The following ZSWIM7 variants were observed in gnomAD, a reference collection of about 807,000 sequenced individuals.
ZSWIM7 encodes the protein zinc finger SWIM domain-containing protein 7.
Under a neutral mutation model 21.1 loss-of-function variants are expected in ZSWIM7, and 22 were observed. The ratio of observed to expected loss-of-function variants is 1.04; its 90% CI spans 0.74 to 1.49. The LOEUF is 1.49. Among genes scored for constraint, ZSWIM7 ranks in the 40% most tolerant of loss-of-function variants. ZSWIM7 has a pLI of 0.00. For missense variants in ZSWIM7, 193 were observed against 168.0 expected (o/e 1.15, Z -0.82); for synonymous variants, 67 against 66.5 (o/e 1.01, Z -0.04).
At chr17:15,992,627 C>G (rs1434898781) in intron 2 of ZSWIM7, among the ~76,000 whole-genome samples, 1 of 151,976 alleles carries the variant, frequency 6.6e-6, no homozygotes, top group Non-Finnish European at 1.5e-5. Flanking sequence ...TTAATAGTGA[C>G]AGGGTTTCTC....
Position 15,978,982 on chromosome 17 carries a change from T to TTTTA in ZSWIM7, c.307-823_307-820dup, listed in dbSNP as rs368188250. ...TTTTTAATTTTAATTTTAATTTTTG[T>TTTTA]TTTATTTATTTATTTATTTATTTTT... On this transcript the variant is annotated intron_variant, in intron 4 of 4. Transcript: ENST00000399277. Among the ~76,000 whole-genome samples, 69 of 151,218 alleles carry TTTTA rather than the reference T, an allele frequency of 4.6e-4. No homozygotes were observed. In the East Asian group the frequency reaches 5.4e-3, roughly 12 times the overall value.
At chr17:15,981,656 C>T (rs1464302165) in intron 3 of ZSWIM7, among the ~76,000 whole-genome samples, 2 of 152,166 alleles carry the variant, frequency 1.3e-5, no homozygotes, top group African/African-American at 4.8e-5. Flanking sequence ...AGCCTGTAAT[C>T]CCAGCACTTT....
Position 15,977,991 on chromosome 17 carries a change from C to A in ZSWIM7, c.*56G>T. 7.4e-7 allele frequency: 1 copy of A among 1,357,596 alleles called. No homozygotes were observed. The highest frequency in any genetic ancestry group is 1.2e-5 in the South Asian group (1 of 85,386). 84.1% of individuals were successfully genotyped at this position (1,357,596 alleles called of 1,614,324 possible). A position where few individuals can be genotyped will look rare whatever the true frequency, so the allele number is the denominator to read the frequency against. On this transcript the variant is annotated 3_prime_UTR_variant, in exon 5 of 5. Transcript: ENST00000399277. The stretch of plus-strand genomic sequence containing the variant: ...TTTTCCATGTGAATCATGACGCTTT[C>A]AATGCATTTCTTGACAGGATTCTAT...
chr17:15,995,710 C>G (rs1970545064), intron 1 of ZSWIM7, among the ~76,000 whole-genome samples: 1 of 150,492 alleles, frequency 6.6e-6, no homozygotes, highest in South Asian at 2.1e-4. Context: ...AGAAGGACAA[C>G]AGAGGACATC....
chr17:15,987,779 T>A (rs961264717), intron 2 of ZSWIM7, among the ~76,000 whole-genome samples: 1 of 151,856 alleles, frequency 6.6e-6, no homozygotes, highest in African/African-American at 2.4e-5. Flanking sequence ...CCCGGCTAAT[T>A]TTGTATTTTT....
chr17:15,981,750 GA>G lies in ZSWIM7; in HGVS notation c.202-607del, dbSNP rs565442367. Among the ~76,000 whole-genome samples the G allele has an allele frequency of 5.8e-3, 876 of 151,700 alleles. 9 individuals carry two copies. Among genetic ancestry groups the G allele is most frequent in the African/African-American group, 0.018 (757 of 41,388 alleles). On this transcript the variant is annotated intron_variant, in intron 3 of 4. Transcript: ENST00000399277. ...AACATGGTGAGACCTCGTTTCTATAGAAAAAAAAATTTTTTTAAAGTCAGGT... is the reference window on the plus strand; with the variant it reads ...AACATGGTGAGACCTCGTTTCTATAGAAAAAAAATTTTTTTAAAGTCAGGT...
At position 15,999,585 on chromosome 17, in the gene ZSWIM7, C is replaced by T. The variant is rs751921435; in HGVS notation, c.10G>A (p.Val4Met). The T allele has an allele frequency of 6.3e-6, 10 of 1,581,722 alleles. No homozygotes were observed. The African/African-American group carries it at 1.3e-4, about 21-fold the overall frequency. ...AGCTCCTCCACAACCGCCGGCAACA[C>T]TACGGCCATCGCGCCGCAGGACACG... Reference protein sequence around the residue: MAVVLPAVVEELLS... With the variant: MAVMLPAVVEELLS... Residue 4 changes from valine (V) to methionine (M), a missense_variant, in exon 1 of 5, where the codon GTG becomes ATG. Val to Met is a conservative substitution (Grantham distance 21). Coordinates refer to ENST00000399277, the MANE Select transcript of ZSWIM7 (RefSeq NM_001042697.2).
rs1192608766 is a variant in ZSWIM7 at position 15,999,354 on chromosome 17, T to G, written c.76+165A>C. ...TTTACTTGTTCCAATTTCGCTTTTT[T>G]GTTGTTTTGTTTTTTTGTCTTTTTA... On this transcript the variant is annotated intron_variant, in intron 1 of 4. Coordinates refer to ENST00000399277, the MANE Select transcript of ZSWIM7 (RefSeq NM_001042697.2). 3 of 960,510 alleles carry G rather than the reference T, an allele frequency of 3.1e-6. No individual in the cohort carries two copies. The Admixed American group carries it at 6.7e-5, about 22-fold the overall frequency. The allele number at this position is 960,510 out of a possible 1,614,324, so 59.5% of individuals were successfully genotyped here.
At chr17:15,994,693 G>A (rs1326245163) in intron 1 of ZSWIM7, among the ~76,000 whole-genome samples, 1 of 152,130 alleles carries the variant, frequency 6.6e-6, no homozygotes, top group Admixed American at 6.5e-5. Context: ...ACTGAAAACA[G>A]GATCTCCTGC....
At chr17:15,999,443 C>T in intron 1 of ZSWIM7, 76 bp downstream of exon 1, 5 of 1,557,610 alleles carry the variant, frequency 3.2e-6, no homozygotes, top group Non-Finnish European at 4.3e-6. Context: ...ACCCCGCCTC[C>T]TGCCTCCCGG....
chr17:15,988,744 C>T (rs1970446123), intron 2 of ZSWIM7, among the ~76,000 whole-genome samples: 3 of 152,060 alleles, frequency 2.0e-5, no homozygotes, highest in South Asian at 2.1e-4. Context: ...TCAGGCCGGG[C>T]GCGGTGGCTC....
At chr17:15,997,259 A>G (rs1970566844) in intron 1 of ZSWIM7, among the ~76,000 whole-genome samples, 1 of 152,192 alleles carries the variant, frequency 6.6e-6, no homozygotes, top group African/African-American at 2.4e-5. Context: ...AATAATGGTT[A>G]AGAGAGATCT....
At chr17:15,988,521 T>A (rs371146959) in intron 2 of ZSWIM7, among the ~76,000 whole-genome samples, 1 of 152,014 alleles carries the variant, frequency 6.6e-6, no homozygotes, top group East Asian at 1.9e-4. Context: ...TGCCAATAGC[T>A]CTCCAAAGTG....
At chr17:15,997,413 G>A (rs972053485) in intron 1 of ZSWIM7, among the ~76,000 whole-genome samples, 2 of 152,126 alleles carry the variant, frequency 1.3e-5, no homozygotes, top group Non-Finnish European at 2.9e-5. Context: ...AAGGATGTGA[G>A]GTTAAAGTAG....
chr17:15,996,256 T>A (rs1179189947), intron 1 of ZSWIM7, among the ~76,000 whole-genome samples: 2 of 151,724 alleles, frequency 1.3e-5, no homozygotes, highest in Non-Finnish European at 2.9e-5. Flanking sequence ...TGAGCAGAGA[T>A]TGCACCATTG....
At chr17:15,993,961 T>C (rs1970516224) in intron 1 of ZSWIM7, 183 bp from the exon 2 acceptor site, 1 of 496,908 alleles carries the variant, frequency 2.0e-6, no homozygotes, top group East Asian at 3.5e-5. Flanking sequence ...TCCTTTTTCT[T>C]TTTTTGAGAC....
At chr17:15,997,091 G>A (rs1380619372) in intron 1 of ZSWIM7, among the ~76,000 whole-genome samples, 4 of 151,452 alleles carry the variant, frequency 2.6e-5, no homozygotes, top group Non-Finnish European at 5.9e-5. Flanking sequence ...CTGAGCCTAG[G>A]AGGTCAAAGC....
rs1224658569 is a variant in ZSWIM7, at chr17:15,999,682, G to A, written c.-88C>T. On this transcript the variant is annotated 5_prime_UTR_variant, in exon 1 of 5. Transcript: ENST00000399277. Reference sequence around the variant, plus strand: ...TACCTGTGGAGGATCCTGACCCCCCGCCGGGGCAGGGCGAGACGGAGTGAC... The same window carrying A: ...TACCTGTGGAGGATCCTGACCCCCCACCGGGGCAGGGCGAGACGGAGTGAC... The A allele has an allele frequency of 5.8e-6, 9 of 1,557,572 alleles. No homozygotes were observed.
chr17:15,990,002 C>T (rs1047035460), intron 2 of ZSWIM7, among the ~76,000 whole-genome samples: 1 of 151,992 alleles, frequency 6.6e-6, no homozygotes, highest in Non-Finnish European at 1.5e-5. Flanking sequence ...AGGTGGCTCA[C>T]GAGGTCAGCA....
Sources: gnomAD v4.1 joint callset for allele counts (sites outside exome capture counted in the v4.1 genomes callset) on GRCh38, gnomAD v4.1.1 for gene constraint, MANE v1.5 for transcripts, NCBI Gene and HGNC (gene_info 2026-07-23, HGNC 2026-07-21) for gene names.